LSAMP: variants seen among roughly 807,000 people sequenced by gnomAD.
LSAMP encodes the protein limbic system associated membrane protein.
LSAMP carries 7 observed loss-of-function variants against 38.6 expected under a neutral mutation model. The ratio of observed to expected loss-of-function variants is 0.18; its 90% CI spans 0.10 to 0.34. The LOEUF is 0.34. LSAMP is among the 10% of genes least tolerant of loss of function. The pLI is 1.00. For missense variants in LSAMP, 313 were observed against 420.0 expected (o/e 0.75, Z 2.23); for synonymous variants, 154 against 166.8 (o/e 0.92, Z 0.59).
chr3:116,095,778 C>T (rs565067968), intron 1 of LSAMP, among the ~76,000 whole-genome samples: 14 of 152,254 alleles, frequency 9.2e-5, no homozygotes, highest in African/African-American at 2.9e-4. Flanking sequence ...GTCTGGATCA[C>T]GTCAGAAAAA....
At chr3:116,209,031 G>A (rs2046112844) in intron 1 of LSAMP, among the ~76,000 whole-genome samples, 1 of 152,206 alleles carries the variant, frequency 6.6e-6, no homozygotes, top group Non-Finnish European at 1.5e-5. Context: ...ATCTCAGACT[G>A]CTATGCTAGC....
chr3:115,984,618 T>C (rs1439278398), intron 3 of LSAMP, among the ~76,000 whole-genome samples: 1 of 152,212 alleles, frequency 6.6e-6, no homozygotes, highest in Non-Finnish European at 1.5e-5. Flanking sequence ...TACTAATTAG[T>C]AAATAGCAGT....
At chr3:116,257,621 G>GA (rs540852970) in intron 1 of LSAMP, among the ~76,000 whole-genome samples, 1 of 151,626 alleles carries the variant, frequency 6.6e-6, no homozygotes, top group Non-Finnish European at 1.5e-5. Flanking sequence ...CAACAAAACA[G>GA]AAAAAAACAG....
At chr3:116,032,093 G>A (rs919444676) in intron 2 of LSAMP, among the ~76,000 whole-genome samples, 3 of 151,990 alleles carry the variant, frequency 2.0e-5, no homozygotes, top group Admixed American at 6.6e-5. Flanking sequence ...ACGAAACCTT[G>A]AATTGATGAA....
chr3:116,274,397 A>T (rs1036485114), intron 1 of LSAMP, among the ~76,000 whole-genome samples: 4 of 152,178 alleles, frequency 2.6e-5, no homozygotes, highest in African/African-American at 9.6e-5. Context: ...TTCATTTTCT[A>T]TGTTTCAAAT....
At chr3:116,231,878 T>C (rs1207601812) in intron 1 of LSAMP, among the ~76,000 whole-genome samples, 1 of 152,188 alleles carries the variant, frequency 6.6e-6, no homozygotes, top group Non-Finnish European at 1.5e-5. Context: ...AGGTAAATAA[T>C]TGTGAAATTT....
intron 3 of LSAMP, among the ~76,000 whole-genome samples, chr3:115,964,726 A>G (rs9834036): frequency 0.23 from 34,304 of 151,936 alleles, 4,118 homozygotes; most frequent in African/African-American, 0.3. Context: ...AATCAAACGC[A>G]TTTCTAGATA....
chr3:116,066,015 G>C (rs2107367605), intron 2 of LSAMP, among the ~76,000 whole-genome samples: 1 of 152,262 alleles, frequency 6.6e-6, no homozygotes, highest in South Asian at 2.1e-4. Context: ...TCTTTATGCA[G>C]GCTGCTATAA....
intron 3 of LSAMP, among the ~76,000 whole-genome samples, chr3:115,982,236 T>C (rs1325913724): frequency 6.6e-6 from 1 of 152,228 alleles, no homozygotes; most frequent in East Asian, 1.9e-4. Flanking sequence ...TGTTTGAGAC[T>C]GAACTGTGTA....
chr3:116,196,898 G>C (rs1027540047), intron 1 of LSAMP, among the ~76,000 whole-genome samples: 127 of 152,190 alleles, frequency 8.3e-4, no homozygotes, highest in African/African-American at 2.9e-3. Flanking sequence ...TGCTTCTGCA[G>C]AACAACTCCT....
At chr3:116,101,960 G>C (rs916918625) in intron 1 of LSAMP, among the ~76,000 whole-genome samples, 6 of 152,094 alleles carry the variant, frequency 3.9e-5, no homozygotes, top group African/African-American at 1.4e-4. Flanking sequence ...AGTTTATAGA[G>C]GGATTGTGAT....
intron 3 of LSAMP, among the ~76,000 whole-genome samples, chr3:115,870,126 G>T (rs1935990067): frequency 6.6e-6 from 1 of 152,066 alleles, no homozygotes; most frequent in African/African-American, 2.4e-5. Flanking sequence ...CCATGCCTAT[G>T]CATTTTTATA....
chr3:116,298,370 A>G (rs572825132), intron 1 of LSAMP, among the ~76,000 whole-genome samples: 42 of 152,118 alleles, frequency 2.8e-4, no homozygotes, highest in Non-Finnish European at 4.1e-4. Context: ...CAGCAGCTTT[A>G]TATTTGCTGG....
chr3:116,207,766 A>G (rs1576432634), intron 1 of LSAMP, among the ~76,000 whole-genome samples: 2 of 152,288 alleles, frequency 1.3e-5, no homozygotes, highest in South Asian at 4.2e-4. Flanking sequence ...GTTTCTGCCG[A>G]GAGATCAGCT....
chr3:116,256,323 C>G (rs1025262756), intron 1 of LSAMP, among the ~76,000 whole-genome samples: 14 of 152,158 alleles, frequency 9.2e-5, no homozygotes, highest in African/African-American at 3.1e-4. Context: ...AGCATTTGCG[C>G]AGACCTCAGT....
chr3:116,414,889 A>G (rs1487519903), intron 1 of LSAMP, among the ~76,000 whole-genome samples: 1 of 152,024 alleles, frequency 6.6e-6, no homozygotes, highest in Non-Finnish European at 1.5e-5. Context: ...TCTCTTTCCT[A>G]CAGGCCCTTC....
intron 1 of LSAMP, among the ~76,000 whole-genome samples, chr3:116,124,067 C>T (rs1708952294): frequency 6.6e-6 from 1 of 152,096 alleles, no homozygotes; most frequent in African/African-American, 2.4e-5. Flanking sequence ...ATGCAACATG[C>T]TTTTCATATG....
intron 3 of LSAMP, among the ~76,000 whole-genome samples, chr3:115,939,587 T>TCTTTCTTTCTTTCTTTC (rs1553751094): frequency 3.3e-5 from 5 of 151,328 alleles, no homozygotes; most frequent in Admixed American, 6.6e-5. Context: ...TTTCTTTCTG[T>TCTTTCTTTCTTTCTTTC]TAAGAGACAG....
intron 2 of LSAMP, among the ~76,000 whole-genome samples, chr3:116,054,154 C>A (rs1941446143): frequency 6.6e-6 from 1 of 152,136 alleles, no homozygotes; most frequent in Non-Finnish European, 1.5e-5. Flanking sequence ...GAGCTCCTGG[C>A]CACCTTCCAT....
Sources: gnomAD v4.1 joint callset for allele counts (sites outside exome capture counted in the v4.1 genomes callset) on GRCh38, gnomAD v4.1.1 for gene constraint, MANE v1.5 for transcripts, NCBI Gene and HGNC (gene_info 2026-07-23, HGNC 2026-07-21) for gene names.